Variants in MTA3 observed in about 807,000 individuals in gnomAD.
MTA3 encodes the protein metastasis-associated protein MTA3.
In MTA3, 34 loss-of-function variants were observed where a neutral mutation model predicts 83.5. The observed-to-expected ratio is 0.41, with a 90% CI of 0.31 to 0.54. The LOEUF is 0.54. Among genes scored for constraint, MTA3 ranks in the 20% least tolerant of loss-of-function variants. MTA3 has a pLI of 0.33. For synonymous variants in MTA3, 303 were observed against 252.7 expected, an observed-to-expected ratio of 1.20 and a Z score of -1.89; for missense variants, 761 against 726.4, an observed-to-expected ratio of 1.05 and a Z score of -0.55.
At chr2:42,639,525 G>A (rs1687513246) in intron 4 of MTA3, among the ~76,000 whole-genome samples, 1 of 152,122 alleles carries the variant, frequency 6.6e-6, no homozygotes, top group African/African-American at 2.4e-5. Context: ...TATAAAAACA[G>A]ACGTTAGTTT....
intron 2 of MTA3, among the ~76,000 whole-genome samples, chr2:42,549,563 A>G (rs1476105574): frequency 6.0e-5 from 7 of 116,426 alleles, no homozygotes; most frequent in East Asian, 4.3e-4. Flanking sequence ...TATTATATAC[A>G]TATACATATA....
At chr2:42,633,835 G>A (rs986339952) in intron 4 of MTA3, among the ~76,000 whole-genome samples, 1 of 150,914 alleles carries the variant, frequency 6.6e-6, no homozygotes, top group Admixed American at 6.6e-5. Context: ...CTTGCAGTGA[G>A]CCGAGACCGC....
At chr2:42,636,418 T>C (rs1687198851) in intron 4 of MTA3, among the ~76,000 whole-genome samples, 1 of 151,892 alleles carries the variant, frequency 6.6e-6, no homozygotes, top group African/African-American at 2.4e-5. Flanking sequence ...GGCACACACC[T>C]GTAGTCCCAG....
intron 14 of MTA3, among the ~76,000 whole-genome samples, chr2:42,711,727 G>C (rs1164659308): frequency 1.4e-5 from 2 of 148,134 alleles, no homozygotes; most frequent in African/African-American, 2.5e-5. Flanking sequence ...TTAATAACCT[G>C]ATGTCCATAG....
intron 14 of MTA3, among the ~76,000 whole-genome samples, chr2:42,714,666 A>C (rs778044545): frequency 8.5e-5 from 13 of 152,194 alleles, no homozygotes; most frequent in Admixed American, 3.9e-4. Flanking sequence ...GTGGTCCCCA[A>C]CCTTTTTGGT....
At chr2:42,517,458 A>G (rs1049747774) in intron 2 of MTA3, among the ~76,000 whole-genome samples, 4 of 151,200 alleles carry the variant, frequency 2.6e-5, no homozygotes, top group African/African-American at 4.9e-5. Context: ...CTGTAATCCC[A>G]GCTACTCAGG....
intron 16 of MTA3, among the ~76,000 whole-genome samples, chr2:42,724,647 C>T (rs1335419451): frequency 6.6e-6 from 1 of 152,042 alleles, no homozygotes; most frequent in Non-Finnish European, 1.5e-5. Flanking sequence ...CACACACACA[C>T]ACACACACAC....
At chr2:42,695,601 C>T (rs1489411921) in intron 9 of MTA3, among the ~76,000 whole-genome samples, 164 bp from the exon 10 acceptor site, 1 of 113,930 alleles carries the variant, frequency 8.8e-6, no homozygotes, top group African/African-American at 3.5e-5. Context: ...CGCCACTGCA[C>T]TTCAGCCTGG....
At chr2:42,679,246 C>T (rs1378623613) in intron 8 of MTA3, among the ~76,000 whole-genome samples, 2 of 152,138 alleles carry the variant, frequency 1.3e-5, no homozygotes, top group African/African-American at 4.8e-5. Flanking sequence ...GTATAATTTT[C>T]CATGATATTA....
intron 9 of MTA3, among the ~76,000 whole-genome samples, chr2:42,691,123 C>T (rs868584976): frequency 3.3e-5 from 5 of 151,856 alleles, no homozygotes; most frequent in South Asian, 2.1e-4. Flanking sequence ...GCAATCCGCC[C>T]GCCTCGGCCT....
At chr2:42,687,288 G>A (rs188786792) in intron 9 of MTA3, among the ~76,000 whole-genome samples, 61 of 152,300 alleles carry the variant, frequency 4.0e-4, no homozygotes, top group Non-Finnish European at 2.6e-4. Flanking sequence ...TGAACACTGT[G>A]TAAGTAGAAT....
At chr2:42,618,728 C>T (rs961588347) in intron 4 of MTA3, among the ~76,000 whole-genome samples, 1 of 152,098 alleles carries the variant, frequency 6.6e-6, no homozygotes, top group African/African-American at 2.4e-5. Flanking sequence ...CTGCCTCATC[C>T]TCTTGAGTAT....
At chr2:42,634,205 T>C (rs1042334133) in intron 4 of MTA3, among the ~76,000 whole-genome samples, 1 of 152,206 alleles carries the variant, frequency 6.6e-6, no homozygotes, top group Non-Finnish European at 1.5e-5. Flanking sequence ...AAACCTGATA[T>C]ATAGAGTCAT....
At chr2:42,499,901 C>T (rs974061140) in intron 2 of MTA3, among the ~76,000 whole-genome samples, 6 of 151,052 alleles carry the variant, frequency 4.0e-5, no homozygotes, top group African/African-American at 1.5e-4. Context: ...AAGTTGTATA[C>T]ATGAAATATG....
At chr2:42,744,307 G>A (rs756553948) in intron 16 of MTA3, among the ~76,000 whole-genome samples, 14 of 152,058 alleles carry the variant, frequency 9.2e-5, no homozygotes, top group African/African-American at 1.7e-4. Flanking sequence ...GCCACCCCTG[G>A]GACCATTCCT....
intron 2 of MTA3, among the ~76,000 whole-genome samples, chr2:42,517,003 T>C (rs1009845693): frequency 6.6e-6 from 1 of 152,136 alleles, no homozygotes; most frequent in Admixed American, 6.5e-5. Flanking sequence ...CTCACGCCTG[T>C]AAACCCAGCA....
chr2:42,536,432 G>A (rs13003085), intron 2 of MTA3, among the ~76,000 whole-genome samples: 52,297 of 151,546 alleles, frequency 0.35, 9,078 homozygotes, highest in South Asian at 0.41. Context: ...CTGAGATCTC[G>A]CCATTGCACT....
chr2:42,618,544 T>A (rs1685180044), intron 4 of MTA3, among the ~76,000 whole-genome samples: 1 of 152,188 alleles, frequency 6.6e-6, no homozygotes, highest in Non-Finnish European at 1.5e-5. Context: ...AGACACTACT[T>A]CTCTCCTTAT....
At chr2:42,683,925 T>G (rs1330227853) in intron 9 of MTA3, among the ~76,000 whole-genome samples, 1 of 152,162 alleles carries the variant, frequency 6.6e-6, no homozygotes, top group Admixed American at 6.5e-5. Flanking sequence ...TTTTTTATTA[T>G]TAAAAATTTT....
Sources: allele counts gnomAD v4.1 joint callset (sites outside exome capture counted in the v4.1 genomes callset), GRCh38; gene constraint gnomAD v4.1.1; transcripts MANE v1.5; gene names NCBI Gene and HGNC (gene_info 2026-07-23, HGNC 2026-07-21).